Variants in REXO1 observed in about 807,000 individuals in gnomAD.
The protein encoded by REXO1 is RNA exonuclease 1 homolog, also known as REX1, RNA exonuclease 1 homolog.
A neutral mutation model predicts 102.6 loss-of-function variants in REXO1; 42 were observed. The ratio of observed to expected loss-of-function variants is 0.41; its 90% CI spans 0.32 to 0.53. REXO1 has a LOEUF of 0.53. REXO1 is among the 20% of genes least tolerant of loss of function. REXO1 has a pLI of 0.27. For synonymous variants in REXO1, 908 were observed against 779.1 expected (o/e 1.17, Z -2.76); for missense variants, 1,819 against 1,732.5 (o/e 1.05, Z -0.89).
At chr19:1,816,641 G>GGGC in intron 13 of REXO1, 57 bp downstream of exon 13, 3 of 1,021,750 alleles carry the variant, frequency 2.9e-6, no homozygotes, top group Non-Finnish European at 4.4e-6. Context: ...GGGAGGGTGG[G>GGGC]TCCCTGGGGA....
At chr19:1,821,419 G>A (rs1445207520) in intron 5 of REXO1, 100 bp downstream of exon 5, 29 of 1,416,118 alleles carry the variant, frequency 2.0e-5, no homozygotes, top group Non-Finnish European at 2.4e-5. Context: ...ACGAAGGCCC[G>A]CAGGGCAGGG....
intron 1 of REXO1, among the ~76,000 whole-genome samples, chr19:1,840,305 CG>C (rs1040068012): frequency 1.6e-4 from 25 of 152,128 alleles, no homozygotes; most frequent in Non-Finnish European, 2.5e-4. Flanking sequence ...CCCAGAGGCA[CG>C]GGCCCCTCCA....
chr19:1,843,376 G>A (rs892794872), intron 1 of REXO1, among the ~76,000 whole-genome samples: 7 of 152,118 alleles, frequency 4.6e-5, no homozygotes, highest in Admixed American at 2.6e-4. Context: ...TCGCAGGCTC[G>A]CCGGCGAGGG....
At chr19:1,817,841 C>T in intron 10 of REXO1, 61 bp from the exon 11 acceptor site, 1 of 1,364,052 alleles carries the variant, frequency 7.3e-7, no homozygotes, top group Non-Finnish European at 1.0e-6. Flanking sequence ...GCCCCCGGGG[C>T]ACTGACCACC....
At chr19:1,836,591 C>T (rs2070043218) in intron 1 of REXO1, among the ~76,000 whole-genome samples, 1 of 152,170 alleles carries the variant, frequency 6.6e-6, no homozygotes, top group East Asian at 1.9e-4. Context: ...ACTAAGAAAA[C>T]ACAAATTAGC....
chr19:1,819,696 G>C (rs560624036), intron 7 of REXO1, among the ~76,000 whole-genome samples: 11 of 152,210 alleles, frequency 7.2e-5, no homozygotes, highest in Admixed American at 7.2e-4. Flanking sequence ...CCCTCGGCTC[G>C]GCTTGGAGAC....
intron 3 of REXO1, among the ~76,000 whole-genome samples, chr19:1,825,471 T>G (rs1466645138): frequency 7.4e-6 from 1 of 135,694 alleles, no homozygotes; most frequent in East Asian, 2.2e-4. Context: ...CAAGACCCCC[T>G]TTTTTTATAA....
Position 1,827,711 on chromosome 19 carries a change from C to G in REXO1, c.1078G>C (p.Ala360Pro). ...QPPPAKPASP[A>P]QVQSSQDGGC... Reference sequence around the variant, plus strand: ...CCATCCTGTGAGGACTGGACCTGGGCTGGGGAGGCGGGCTTGGCTGGGGGC... The same window carrying G: ...CCATCCTGTGAGGACTGGACCTGGGGTGGGGAGGCGGGCTTGGCTGGGGGC... The change falls in exon 2 of 16, where the codon GCC (alanine) becomes CCC (proline). Residue 360 changes from alanine (A) to proline (P), a missense_variant. Coordinates refer to ENST00000170168, the MANE Select transcript of REXO1 (RefSeq NM_020695.4). The G allele has an allele frequency of 1.3e-6, 2 of 1,570,920 alleles. No individual in the cohort carries two copies. Among genetic ancestry groups the G allele is most frequent in the Non-Finnish European group, 1.7e-6 (2 of 1,169,790 alleles).
intron 5 of REXO1, among the ~76,000 whole-genome samples, chr19:1,821,046 C>CA (rs1408492763): frequency 6.8e-6 from 1 of 147,580 alleles, no homozygotes; most frequent in Non-Finnish European, 1.5e-5. Flanking sequence ...CAAGACAAAA[C>CA]AAAAAAACAC....
At chr19:1,839,622 G>A (rs914434575) in intron 1 of REXO1, among the ~76,000 whole-genome samples, 1 of 152,220 alleles carries the variant, frequency 6.6e-6, no homozygotes, top group South Asian at 2.1e-4. Context: ...GGCCGACCCC[G>A]GCCCCATCAT....
chr19:1,827,578 C>G lies in REXO1; in HGVS notation c.1211G>C (p.Arg404Pro). Residue 404 changes from arginine (R) to proline (P), a missense_variant, in exon 2 of 16, where the codon CGA (arginine) becomes CCA (proline). Arg to Pro is a moderately radical substitution (Grantham distance 103). Coordinates refer to ENST00000170168, the MANE Select transcript of REXO1 (RefSeq NM_020695.4). Reference protein sequence around the residue: ...QGKDKTKDKGRGRPVEKPRAD... With the variant: ...QGKDKTKDKGPGRPVEKPRAD... ...ACGGGGCTTCTCCACAGGCCGCCCT[C>G]GGCCCTTGTCCTTGGTCTTGTCCTT... The G allele has an allele frequency of 1.3e-6, 2 of 1,594,276 alleles. No homozygotes were observed. Among genetic ancestry groups the G allele is most frequent in the Non-Finnish European group, 1.7e-6 (2 of 1,176,422 alleles).
chr19:1,825,065 C>T (rs2069669026), intron 3 of REXO1, among the ~76,000 whole-genome samples: 1 of 150,322 alleles, frequency 6.7e-6, no homozygotes, highest in Non-Finnish European at 1.5e-5. Context: ...CTTGTAATCC[C>T]AGCATTTTGG....
rs1015243261 is a variant in REXO1 at position 1,826,314 on chromosome 19, G to T, written c.1912-371C>A. On this transcript the variant is annotated intron_variant, in intron 2 of 15. Coordinates refer to ENST00000170168, the MANE Select transcript of REXO1 (RefSeq NM_020695.4). The surrounding 1 kb of genome is among the most constrained non-coding windows in gnomAD (Gnocchi z 4.3). ...GAGCTCCCCCTGGTGGCCAATTTGG[G>T]GACACGGGGCCAGGAGACCCAGGGG... 5.3e-5 allele frequency among the ~76,000 whole-genome samples: 8 copies of T among 152,142 alleles called. No individual in the cohort carries two copies. The highest frequency in any genetic ancestry group is 1.9e-4 in the African/African-American group (8 of 41,504).
intron 5 of REXO1, 50 bp downstream of exon 5, chr19:1,821,469 C>T (rs1433596589): frequency 6.2e-7 from 1 of 1,608,462 alleles, no homozygotes; most frequent in Non-Finnish European, 8.5e-7. Context: ...GGCCGGGCCT[C>T]AGGGCGTGGT....
At position 1,818,542 on chromosome 19, in the gene REXO1, C is replaced by G. The variant is rs749471235; in HGVS notation, c.2956G>C (p.Gly986Arg). 5 of 1,612,154 alleles carry G rather than the reference C, an allele frequency of 3.1e-6. No individual in the cohort carries two copies. The highest frequency in any genetic ancestry group is 3.4e-6 in the Non-Finnish European group (4 of 1,179,744). The change falls in exon 10 of 16, where the codon GGC becomes CGC. Residue 986 changes from glycine to arginine, a missense_variant. Gly to Arg is a moderately radical substitution (Grantham distance 125). Transcript: ENST00000170168. Reference sequence around the variant, plus strand: ...CACTCCTCGTCCCGGATGCAGCGGCCTGAAGAGGACACGAGGTACTCGGTG... The same window carrying G: ...CACTCCTCGTCCCGGATGCAGCGGCGTGAAGAGGACACGAGGTACTCGGTG... Reference protein sequence around the residue: ...CGTEYLVSSSGRCIRDEECYY... With the variant: ...CGTEYLVSSSRRCIRDEECYY...
intron 1 of REXO1, chr19:1,834,823 A>C (rs1022677986): frequency 5.0e-6 from 1 of 199,756 alleles, no homozygotes; most frequent in Non-Finnish European, 1.2e-5. Flanking sequence ...GGCTGCTACC[A>C]CCTCCACAAA....
chr19:1,815,681 C>G lies in REXO1; in HGVS notation c.*385G>C. The G allele has an allele frequency of 7.7e-7, 1 of 1,306,246 alleles. No individual in the cohort carries two copies. Among genetic ancestry groups the G allele is most frequent in the Non-Finnish European group, 9.8e-7 (1 of 1,018,110 alleles). 80.9% of individuals were successfully genotyped at this position (1,306,246 alleles called of 1,614,324 possible). The stretch of plus-strand genomic sequence containing the variant: ...AATACAAAATAAAAAAAGACTGTCT[C>G]AAACAAACCTGGGACAAGCCCGCCC... On this transcript the variant is annotated 3_prime_UTR_variant, in exon 16 of 16. Coordinates refer to ENST00000170168, the MANE Select transcript of REXO1 (RefSeq NM_020695.4). This position sits in a 1 kb window ranked among gnomAD's most constrained non-coding sequence, Gnocchi z 4.0.
At chr19:1,837,897 C>G (rs949421690) in intron 1 of REXO1, among the ~76,000 whole-genome samples, 1 of 152,240 alleles carries the variant, frequency 6.6e-6, no homozygotes, top group African/African-American at 2.4e-5. Flanking sequence ...ATTTATTCAC[C>G]TCATGGGGCG....
In REXO1 at chr19:1,828,593, G is replaced by A. The variant is rs141925082; in HGVS notation, c.196C>T (p.Pro66Ser). ...YDPYNPELPKPPAQRENGTLG... is the reference protein window; with the variant it reads ...YDPYNPELPKSPAQRENGTLG... ...GTGCCATTCTCCCTCTGCGCGGGGG[G>A]CTTGGGCAGCTCAGGGTTGTAGGGG... Residue 66 changes from proline to serine, a missense_variant, in exon 2 of 16, where the codon CCC becomes TCC. Coordinates refer to ENST00000170168, the MANE Select transcript of REXO1 (RefSeq NM_020695.4). 7.5e-6 allele frequency: 12 copies of A among 1,602,784 alleles called. No homozygotes were observed. In the African/African-American group the frequency reaches 1.2e-4, roughly 16 times the overall value.
Sources: allele counts gnomAD v4.1 joint callset (sites outside exome capture counted in the v4.1 genomes callset), GRCh38; gene constraint gnomAD v4.1.1; non-coding constraint Gnocchi (gnomAD v3.1); transcripts MANE v1.5; gene names NCBI Gene and HGNC (gene_info 2026-07-23, HGNC 2026-07-21).